The following SNX29 variants were observed in gnomAD, a reference collection of about 807,000 sequenced individuals.
SNX29 encodes the protein sorting nexin-29.
SNX29 carries 78 observed loss-of-function variants against 102.1 expected under a neutral mutation model. The observed-to-expected ratio is 0.76, with a 90% confidence interval of 0.64 to 0.92. The LOEUF is 0.92. Among genes scored for constraint, SNX29 ranks in the 40% least tolerant of loss-of-function variants. The pLI, the probability that SNX29 is intolerant of heterozygous loss-of-function variation, is 0.00. For synonymous variants in SNX29, 580 were observed against 414.5 expected, an observed-to-expected ratio of 1.40 and a Z score of -4.85; for missense variants, 1,280 against 1,061.7, an observed-to-expected ratio of 1.21 and a Z score of -2.86.
At chr16:12,553,520 TGGA>T in intron 20 of SNX29, among the ~76,000 whole-genome samples, 1 of 152,256 alleles carries the variant, frequency 6.6e-6, no homozygotes, top group South Asian at 2.1e-4. Flanking sequence ...ATCACAGTGC[TGGA>T]GGAGGGACCC....
intron 20 of SNX29, among the ~76,000 whole-genome samples, chr16:12,535,372 G>C (rs984674154): frequency 6.6e-6 from 1 of 152,248 alleles, no homozygotes; most frequent in Admixed American, 6.5e-5. Context: ...CTGGCCTCAA[G>C]TGATTCACCC....
chr16:12,460,001 A>AC (rs2086709763), intron 18 of SNX29, among the ~76,000 whole-genome samples: 1 of 152,164 alleles, frequency 6.6e-6, no homozygotes, highest in African/African-American at 2.4e-5. Flanking sequence ...AATATACCGA[A>AC]CAGAAGCATG....
chr16:12,481,535 C>T (rs2087927321), intron 19 of SNX29, among the ~76,000 whole-genome samples: 2 of 150,812 alleles, frequency 1.3e-5, no homozygotes, highest in Non-Finnish European at 3.0e-5. Flanking sequence ...CACACACACA[C>T]ACACACACAC....
At chr16:12,380,159 C>CCTAAGGGCTGATCAGAATGACCTTGGTCT (rs138586641) in intron 16 of SNX29, among the ~76,000 whole-genome samples, 9,464 of 151,430 alleles carry the variant, frequency 0.062, 874 homozygotes, top group African/African-American at 0.21. Flanking sequence ...CCTTAGCTGA[C>CCTAAGGGCTGATCAGAATGACCTTGGTCT]CTAAGGGCTG....
intron 14 of SNX29, among the ~76,000 whole-genome samples, chr16:12,239,354 G>A (rs779783693): frequency 7.9e-5 from 12 of 152,078 alleles, no homozygotes; most frequent in Non-Finnish European, 1.8e-4. Context: ...CTGATGAGCA[G>A]AGTTTTTCAG....
intron 20 of SNX29, among the ~76,000 whole-genome samples, chr16:12,540,746 C>T (rs529763792): frequency 2.2e-4 from 33 of 152,288 alleles, no homozygotes; most frequent in Middle Eastern, 3.4e-3. Flanking sequence ...CTTGGGGCAC[C>T]ATTGATCTTA....
At chr16:12,500,657 C>A (rs2089074244) in intron 19 of SNX29, among the ~76,000 whole-genome samples, 2 of 152,156 alleles carry the variant, frequency 1.3e-5, no homozygotes, top group South Asian at 4.1e-4. Context: ...AATATCTTAC[C>A]ACTTAAAATG....
intron 20 of SNX29, among the ~76,000 whole-genome samples, chr16:12,544,918 G>A (rs1362537565): frequency 1.3e-5 from 2 of 152,194 alleles, no homozygotes; most frequent in South Asian, 2.1e-4. Flanking sequence ...GTCATTAGAT[G>A]TTATCATCAT....
intron 20 of SNX29, 22 bp from the exon 21 acceptor site, chr16:12,568,484 G>T (rs766659363): frequency 1.2e-6 from 2 of 1,608,154 alleles, no homozygotes; most frequent in Non-Finnish European, 1.7e-6. Context: ...GACTTAACCC[G>T]ATTCTCTCCC....
chr16:12,396,718 C>CT (rs1244530859), intron 16 of SNX29, among the ~76,000 whole-genome samples: 1 of 152,186 alleles, frequency 6.6e-6, no homozygotes, highest in African/African-American at 2.4e-5. Context: ...GGCACCATCT[C>CT]TGACACCTTG....
At chr16:12,004,371 A>G (rs2056387355) in intron 3 of SNX29, among the ~76,000 whole-genome samples, 2 of 151,940 alleles carry the variant, frequency 1.3e-5, no homozygotes, top group South Asian at 2.1e-4. Flanking sequence ...AAAAATGGCC[A>G]TTGACATTCA....
At chr16:12,512,196 G>T (rs771205411) in intron 19 of SNX29, among the ~76,000 whole-genome samples, 2 of 150,688 alleles carry the variant, frequency 1.3e-5, no homozygotes, top group African/African-American at 4.9e-5. Context: ...TTAAGTTTGG[G>T]GTGTGAGCAT....
intron 18 of SNX29, among the ~76,000 whole-genome samples, chr16:12,423,864 GC>G (rs2084958504): frequency 6.6e-6 from 1 of 152,204 alleles, no homozygotes; most frequent in Non-Finnish European, 1.5e-5. Context: ...GAGCTACCGT[GC>G]CCAGCCTACA....
At chr16:12,436,114 C>T (rs191300667) in intron 18 of SNX29, among the ~76,000 whole-genome samples, 1 of 152,264 alleles carries the variant, frequency 6.6e-6, no homozygotes, top group East Asian at 1.9e-4. Flanking sequence ...GTGATGCAGA[C>T]GTAGCTGAAG....
intron 13 of SNX29, chr16:12,135,815 T>G (rs2054638655): frequency 2.7e-6 from 1 of 374,722 alleles, no homozygotes. Flanking sequence ...TATTAGAGAT[T>G]GGAGCACGTG....
chr16:12,204,959 C>G (rs2077008517), intron 14 of SNX29, among the ~76,000 whole-genome samples: 1 of 152,184 alleles, frequency 6.6e-6, no homozygotes, highest in African/African-American at 2.4e-5. Flanking sequence ...TTTGTGCTCT[C>G]ACTGGGGTGT....
chr16:12,538,488 C>T (rs971028658), intron 20 of SNX29, among the ~76,000 whole-genome samples: 5 of 152,168 alleles, frequency 3.3e-5, no homozygotes, highest in East Asian at 1.9e-4. Context: ...GTGTAACATA[C>T]ATCTATGATA....
intron 13 of SNX29, among the ~76,000 whole-genome samples, chr16:12,183,788 G>A (rs1398901986): frequency 1.3e-5 from 2 of 152,228 alleles, no homozygotes; most frequent in East Asian, 3.8e-4. Flanking sequence ...AGACCTTGCT[G>A]ATAGAACAGT....
intron 20 of SNX29, among the ~76,000 whole-genome samples, chr16:12,538,035 G>T (rs866422329): frequency 2.6e-5 from 4 of 151,312 alleles, no homozygotes; most frequent in Admixed American, 2.0e-4. Flanking sequence ...AAATCGTCCT[G>T]TCCTGCTAAA....
Sources: gnomAD v4.1 joint callset for allele counts (sites outside exome capture counted in the v4.1 genomes callset) on GRCh38, gnomAD v4.1.1 for gene constraint, MANE v1.5 for transcripts, NCBI Gene and HGNC (gene_info 2026-07-23, HGNC 2026-07-21) for gene names.